The following DLG2 variants were observed in gnomAD, a reference collection of about 807,000 sequenced individuals.
DLG2 encodes the protein disks large homolog 2.
Under a neutral mutation model 132.5 loss-of-function variants are expected in DLG2, and 45 were observed. That is an observed-to-expected ratio of 0.34 (90% CI 0.27 to 0.44). The LOEUF (loss-of-function observed/expected upper bound fraction) is 0.44. Among genes scored for constraint, DLG2 ranks in the 20% least tolerant of loss-of-function variants. The probability of loss-of-function intolerance (pLI) is 1.00; values close to 1 mark genes in which losing one functional copy is unlikely to be tolerated. For synonymous variants in DLG2, 424 were observed against 419.6 expected, an observed-to-expected ratio of 1.01 and a Z score of -0.13; for missense variants, 1,045 against 1,196.9, an observed-to-expected ratio of 0.87 and a Z score of 1.87.
At chr11:85,614,305 G>C (rs985762866) in intron 2 of DLG2, among the ~76,000 whole-genome samples, 30 of 151,244 alleles carry the variant, frequency 2.0e-4, no homozygotes, top group Non-Finnish European at 2.9e-5. Context: ...AGAAAAGTTA[G>C]TCTTGAACCA....
At position 84,399,186 on chromosome 11, in the gene DLG2, C is replaced by T. The variant is rs149761528; in HGVS notation, c.519+135384G>A. ...ATAGGGACTGAAAATGCCGGGAATGCCTTTCCCTCTGTATCCTCTTCACTA... is the reference window on the plus strand; with the variant it reads ...ATAGGGACTGAAAATGCCGGGAATGTCTTTCCCTCTGTATCCTCTTCACTA... On this transcript the variant is annotated intron_variant, in intron 7 of 27. Transcript: ENST00000376104. Among the ~76,000 whole-genome samples, 38 of 152,164 alleles carry T rather than the reference C, an allele frequency of 2.5e-4. No individual in the cohort carries two copies. The East Asian group carries it at 7.0e-3, about 28-fold the overall frequency.
intron 4 of DLG2, among the ~76,000 whole-genome samples, chr11:85,213,659 G>T (rs1463762897): frequency 2.6e-5 from 4 of 152,188 alleles, no homozygotes; most frequent in Non-Finnish European, 4.4e-5. Flanking sequence ...TGATGTTAAT[G>T]CTGGTCAGCT....
chr11:85,470,157 A>C (rs556756811), intron 3 of DLG2, among the ~76,000 whole-genome samples: 24 of 152,226 alleles, frequency 1.6e-4, no homozygotes, highest in African/African-American at 5.8e-4. Flanking sequence ...AAAAAAAAAA[A>C]AAAGTAACTT....
intron 7 of DLG2, among the ~76,000 whole-genome samples, chr11:84,423,670 T>C (rs759238625): frequency 1.3e-5 from 2 of 152,166 alleles, no homozygotes; most frequent in Non-Finnish European, 2.9e-5. Context: ...AGCTCTTAAA[T>C]GAATTCATTT....
At chr11:85,111,633 C>G (rs1368578295) in intron 6 of DLG2, 28 bp downstream of exon 6, 6 of 1,510,800 alleles carry the variant, frequency 4.0e-6, no homozygotes, top group Non-Finnish European at 5.4e-6. Flanking sequence ...ATCCTTCAAT[C>G]TGCTAATCTT....
chr11:85,232,543 T>C (rs1350664714), intron 4 of DLG2, among the ~76,000 whole-genome samples: 1 of 151,952 alleles, frequency 6.6e-6, no homozygotes, highest in African/African-American at 2.4e-5. Context: ...GATAGATAGA[T>C]AGAATAAGGC....
chr11:84,396,757 C>A (rs950027922), intron 7 of DLG2, among the ~76,000 whole-genome samples: 1 of 152,172 alleles, frequency 6.6e-6, no homozygotes, highest in East Asian at 1.9e-4. Context: ...AAATAGGCAT[C>A]GCATTCCAGT....
intron 3 of DLG2, among the ~76,000 whole-genome samples, chr11:85,583,820 C>A (rs1229145539): frequency 3.3e-5 from 5 of 151,702 alleles, no homozygotes; most frequent in African/African-American, 1.2e-4. Flanking sequence ...AGGTGAAAAC[C>A]AGCATTGAGA....
intron 7 of DLG2, among the ~76,000 whole-genome samples, chr11:84,255,221 T>C (rs1162163838): frequency 1.3e-5 from 2 of 152,256 alleles, no homozygotes; most frequent in Non-Finnish European, 2.9e-5. Flanking sequence ...TAGTTTGATC[T>C]AGTTTGTTTC....
intron 3 of DLG2, among the ~76,000 whole-genome samples, chr11:85,549,566 C>A (rs1026762342): frequency 2.0e-5 from 3 of 152,126 alleles, no homozygotes; most frequent in African/African-American, 7.2e-5. Context: ...TGAGCCAGAG[C>A]AACTCCATCT....
At chr11:83,954,302 G>A (rs1050917573) in intron 14 of DLG2, among the ~76,000 whole-genome samples, 14 of 152,158 alleles carry the variant, frequency 9.2e-5, no homozygotes, top group Non-Finnish European at 1.9e-4. Context: ...CTTCTAGTAG[G>A]ATAGTTCTAT....
chr11:84,596,230 G>A (rs1436485899), intron 6 of DLG2, among the ~76,000 whole-genome samples: 3 of 142,912 alleles, frequency 2.1e-5, no homozygotes, highest in African/African-American at 2.7e-5. Flanking sequence ...TTCTCTTGAC[G>A]GAGCTTTGCT....
At chr11:83,634,583 AT>A (rs1245204227) in intron 18 of DLG2, among the ~76,000 whole-genome samples, 1 of 152,182 alleles carries the variant, frequency 6.6e-6, no homozygotes, top group Non-Finnish European at 1.5e-5. Flanking sequence ...TCAGAAAACA[AT>A]TTGATTTTCA....
chr11:85,302,689 G>A, intron 3 of DLG2, among the ~76,000 whole-genome samples: 1 of 150,590 alleles, frequency 6.6e-6, no homozygotes, highest in East Asian at 1.9e-4. Context: ...GATAATTTCA[G>A]AGGAATAGAA....
At chr11:83,775,714 CATT>C (rs962660562) in intron 18 of DLG2, among the ~76,000 whole-genome samples, 1 of 145,644 alleles carries the variant, frequency 6.9e-6, no homozygotes, top group African/African-American at 2.7e-5. Context: ...AGTTCATTGT[CATT>C]ATTCTTTTTT....
intron 19 of DLG2, among the ~76,000 whole-genome samples, chr11:83,593,669 A>T (rs965129899): frequency 2.0e-5 from 3 of 151,596 alleles, no homozygotes; most frequent in South Asian, 2.1e-4. Context: ...TATTAAAAAA[A>T]AAAGAAAAAA....
At chr11:85,350,184 A>G (rs7121223) in intron 3 of DLG2, among the ~76,000 whole-genome samples, 2,183 of 152,292 alleles carry the variant, frequency 0.014, 54 homozygotes, top group African/African-American at 0.05. Context: ...ATTTTTTCAC[A>G]TATCTGTTGG....
At chr11:83,632,984 C>T (rs1212874221) in intron 19 of DLG2, 1 of 503,916 alleles carries the variant, frequency 2.0e-6, no homozygotes, top group Non-Finnish European at 3.5e-6. Flanking sequence ...TATCCTGAAT[C>T]ATAACTTTGC....
At chr11:84,467,116 G>C (rs533954416) in intron 7 of DLG2, among the ~76,000 whole-genome samples, 32 of 151,228 alleles carry the variant, frequency 2.1e-4, no homozygotes, top group Non-Finnish European at 4.4e-4. Flanking sequence ...CTACTAAAAG[G>C]AGCTAGGACA....
Sources: gnomAD v4.1 joint callset for allele counts (sites outside exome capture counted in the v4.1 genomes callset) on GRCh38, gnomAD v4.1.1 for gene constraint, MANE v1.5 for transcripts, NCBI Gene and HGNC (gene_info 2026-07-23, HGNC 2026-07-21) for gene names.